Variants in TDRKH observed in about 807,000 individuals in gnomAD.
The protein encoded by TDRKH is tudor and KH domain-containing protein.
Under a neutral mutation model 61.3 loss-of-function variants are expected in TDRKH, and 28 were observed. The ratio of observed to expected loss-of-function variants is 0.46; its 90% CI spans 0.34 to 0.63. The LOEUF is 0.63. TDRKH is among the 20% of genes least tolerant of loss of function. The pLI is 0.01. For synonymous variants in TDRKH, 219 were observed against 244.4 expected (o/e 0.90, Z 0.97); for missense variants, 540 against 683.4 (o/e 0.79, Z 2.34).
At chr1:151,774,836 G>A in intron 11 of TDRKH, 30 bp from the exon 12 acceptor site, 6 of 1,609,360 alleles carry the variant, frequency 3.7e-6, no homozygotes, top group Non-Finnish European at 5.1e-6. Context: ...AAAAAAGGAG[G>A]AACATGTTGG....
chr1:151,774,732 G>T lies in TDRKH; in HGVS notation c.1611C>A (p.Thr537=), dbSNP rs1166098522. 1 of 1,614,050 alleles carries T rather than the reference G, an allele frequency of 6.2e-7. No homozygotes were observed. The highest frequency in any genetic ancestry group is 1.3e-5 in the African/African-American group (1 of 74,910). Residue 537 remains threonine (T), a synonymous_variant, in exon 12 of 13, where the codon ACC becomes ACA. Transcript: ENST00000368824. Reference sequence around the variant, plus strand: ...TACCTGATAAGCTGAGGCAGGACAGGGTATGTGTTATCTCTCCAGAGCTCT... The same window carrying T: ...TACCTGATAAGCTGAGGCAGGACAGTGTATGTGTTATCTCTCCAGAGCTCT... ...TKKSSGEITH[T]LSCLSLSEAA...
At position 151,779,936 on chromosome 1, in the gene TDRKH, GC is replaced by G; in HGVS notation, c.421+14del. 6.3e-7 allele frequency: 1 copy of G among 1,598,006 alleles called. No individual in the cohort carries two copies. Among genetic ancestry groups the G allele is most frequent in the Non-Finnish European group, 8.6e-7 (1 of 1,167,594 alleles). The stretch of plus-strand genomic sequence containing the variant: ...AAGAATAAAGGAAACAATAGAGGAA[GC>G]CATCCAGTGGTACCTATGATTCTGC... On this transcript the variant is annotated intron_variant, in intron 4 of 12. Coordinates refer to ENST00000368824, the MANE Select transcript of TDRKH (RefSeq NM_001083965.2).
chr1:151,787,505 C>T (rs866885244), intron 1 of TDRKH, among the ~76,000 whole-genome samples: 2 of 152,164 alleles, frequency 1.3e-5, no homozygotes, highest in African/African-American at 4.8e-5. Flanking sequence ...GCGTGAGCCA[C>T]TGCGCCTGGC....
intron 10 of TDRKH, 91 bp downstream of exon 10, chr1:151,775,301 A>C: frequency 6.5e-7 from 1 of 1,548,418 alleles, no homozygotes; most frequent in Non-Finnish European, 8.8e-7. Context: ...AGTAAGAGTA[A>C]TATCAGATAA....
chr1:151,766,832 C>A, downstream of TDRKH: 1 of 1,611,460 alleles, frequency 6.2e-7, no homozygotes, highest in Non-Finnish European at 8.5e-7. Context: ...ATTACCTTTA[C>A]TGTTACAAGT....
chr1:151,770,295 G>A (rs1648627663), downstream of TDRKH: 1 of 1,599,402 alleles, frequency 6.3e-7, no homozygotes, highest in East Asian at 2.2e-5. Flanking sequence ...TTCGCGCTGA[G>A]GCAGCTGGAT....
downstream of TDRKH, among the ~76,000 whole-genome samples, chr1:151,772,651 C>T (rs1243093187): frequency 2.0e-5 from 3 of 152,130 alleles, no homozygotes; most frequent in Non-Finnish European, 4.4e-5. Context: ...CTTCAAGCCT[C>T]GCATTTGAGC....
At chr1:151,766,660 C>G, downstream of TDRKH, 1 of 1,547,530 alleles carries the variant, frequency 6.5e-7, no homozygotes, top group Non-Finnish European at 8.7e-7. Context: ...ACCAGGTTGC[C>G]TAAACCTCTG....
At chr1:151,769,902 G>A (rs1370582280), downstream of TDRKH, among the ~76,000 whole-genome samples, 4 of 151,944 alleles carry the variant, frequency 2.6e-5, no homozygotes, top group Admixed American at 2.0e-4. Flanking sequence ...GCGAAACCCC[G>A]TCTCCACCAA....
downstream of TDRKH, chr1:151,771,375 T>C: frequency 7.0e-7 from 1 of 1,426,138 alleles, no homozygotes; most frequent in Non-Finnish European, 9.2e-7. Context: ...TAGGGTTGAC[T>C]GGAGTGGGAT....
Position 151,774,797 on chromosome 1 carries a change from T to C in TDRKH, c.1546A>G (p.Thr516Ala). 6.2e-7 allele frequency: 1 copy of C among 1,614,168 alleles called. No homozygotes were observed. The highest frequency in any genetic ancestry group is 8.5e-7 in the Non-Finnish European group (1 of 1,180,006). The change falls in exon 12 of 13, where the codon ACA becomes GCA. Residue 516 changes from threonine to alanine, a missense_variant. By Grantham distance (58) the Thr-to-Ala change is moderately conservative (BLOSUM62 0). Coordinates refer to ENST00000368824, the MANE Select transcript of TDRKH (RefSeq NM_001083965.2). ...AGCAACGTGCTGAGAGAGGCATCTGTTTCTGTGGCCTGAGTGGATGAAAAC... is the reference window on the plus strand; with the variant it reads ...AGCAACGTGCTGAGAGAGGCATCTGCTTCTGTGGCCTGAGTGGATGAAAAC... ...PDMLKDMATE[T>A]DASLSTLLTE... is the part of the protein sequence containing the mutation.
Position 151,775,585 on chromosome 1 carries a change from C to T in TDRKH, c.1283-42G>A, listed in dbSNP as rs372469785. 16 of 1,582,640 alleles carry T rather than the reference C, an allele frequency of 1.0e-5. No individual in the cohort carries two copies. In the African/African-American group the frequency reaches 2.2e-4, roughly 21 times the overall value. ...GGGGTTACTGCTGATAGGGGTGGGG[C>T]TTATACCCTGGAGGGAAGTTGGAAC... On this transcript the variant is annotated intron_variant, in intron 9 of 12. Coordinates refer to ENST00000368824, the MANE Select transcript of TDRKH (RefSeq NM_001083965.2).
At position 151,782,764 on chromosome 1, in the gene TDRKH, T is replaced by C. The variant is rs1049094239; in HGVS notation, c.124+135A>G. On this transcript the variant is annotated intron_variant, in intron 2 of 12. Transcript: ENST00000368824. The stretch of plus-strand genomic sequence containing the variant: ...CAGGCTAGGTGACAGAGTGAGACCC[T>C]GTCTCAAAAAAACCCCACAAAAAAC... 1.6e-5 allele frequency: 19 copies of C among 1,199,112 alleles called. No individual in the cohort carries two copies. In the East Asian group the frequency reaches 5.4e-4, roughly 34 times the overall value. 74.3% of individuals were successfully genotyped at this position (1,199,112 alleles called of 1,614,324 possible). A position where few individuals can be genotyped will look rare whatever the true frequency, so the allele number is the denominator to read the frequency against.
Position 151,774,256 on chromosome 1 carries a change from T to C in TDRKH, c.*196A>G. 1 of 597,670 alleles carries C rather than the reference T, an allele frequency of 1.7e-6. No individual in the cohort carries two copies. The highest frequency in any genetic ancestry group is 2.9e-6 in the Non-Finnish European group (1 of 342,164). 37.0% of individuals were successfully genotyped at this position (597,670 alleles called of 1,614,324 possible). ...CCAAAGACAGAAATACACAAAAAGC[T>C]TGAAAGTGCTCAATCTGAGAGCAAG... is the stretch of plus-strand genomic sequence containing the variant. On this transcript the variant is annotated 3_prime_UTR_variant, in exon 13 of 13. Transcript: ENST00000368824.
downstream of TDRKH, chr1:151,770,072 G>A (rs887685622): frequency 4.3e-5 from 68 of 1,568,538 alleles, no homozygotes; most frequent in African/African-American, 4.6e-4. Flanking sequence ...GAGGGAGACC[G>A]TGGAGAGAGA....
chr1:151,772,008 A>C, downstream of TDRKH: 1 of 398,578 alleles, frequency 2.5e-6, no homozygotes, highest in Non-Finnish European at 4.4e-6. Context: ...AATAAATGGA[A>C]GCTCCTTAAA....
At chr1:151,784,232 A>C (rs1650104704) in intron 1 of TDRKH, among the ~76,000 whole-genome samples, 1 of 152,220 alleles carries the variant, frequency 6.6e-6, no homozygotes, top group Non-Finnish European at 1.5e-5. Flanking sequence ...CTTTCATAAA[A>C]GCACTGCTCC....
chr1:151,768,297 T>TCATA (rs1332725092), downstream of TDRKH: 4 of 1,548,434 alleles, frequency 2.6e-6, no homozygotes, highest in East Asian at 9.7e-5. Context: ...TTCTATCATG[T>TCATA]CATAGTACAT....
At chr1:151,788,438 T>C (rs1650559072) in intron 1 of TDRKH, among the ~76,000 whole-genome samples, 1 of 152,158 alleles carries the variant, frequency 6.6e-6, no homozygotes, top group South Asian at 2.1e-4. Flanking sequence ...TCTTAAGGGC[T>C]TTGGGAAACT....
Sources: allele counts gnomAD v4.1 joint callset (sites outside exome capture counted in the v4.1 genomes callset), GRCh38; gene constraint gnomAD v4.1.1; transcripts MANE v1.5; gene names NCBI Gene and HGNC (gene_info 2026-07-23, HGNC 2026-07-21).